The following ANKFN1 variants were observed in gnomAD, a reference collection of about 807,000 sequenced individuals.
ANKFN1 encodes ankyrin repeat and fibronectin type-III domain-containing protein 1.
Under a neutral mutation model 108.7 loss-of-function variants are expected in ANKFN1, and 74 were observed. The ratio of observed to expected loss-of-function variants is 0.68; its 90% confidence interval spans 0.56 to 0.83. The LOEUF (loss-of-function observed/expected upper bound fraction) is 0.83, where lower values mean the gene tolerates loss of function less well. Ranked by LOEUF, ANKFN1 falls within the 40% of genes least tolerant of loss-of-function variation. The probability of loss-of-function intolerance (pLI) is 0.00; values close to 1 mark genes in which losing one functional copy is unlikely to be tolerated. For synonymous variants in ANKFN1, 547 were observed against 516.2 expected (o/e 1.06, Z -0.81); for missense variants, 1,505 against 1,382.3 (o/e 1.09, Z -1.41).
chr17:56,192,260 T>A (rs1284263069), intron 1 of ANKFN1, among the ~76,000 whole-genome samples: 1 of 145,832 alleles, frequency 6.9e-6, no homozygotes, highest in East Asian at 2.0e-4. Context: ...TCAAGATGGA[T>A]TAAAGATTTA....
At chr17:56,410,967 CAA>C (rs1320945185) in intron 8 of ANKFN1, among the ~76,000 whole-genome samples, 1 of 152,110 alleles carries the variant, frequency 6.6e-6, no homozygotes. Flanking sequence ...TATTTTTGCT[CAA>C]GATTGCTTTG....
At chr17:56,292,762 A>T (rs2044399294) in intron 3 of ANKFN1, among the ~76,000 whole-genome samples, 1 of 152,138 alleles carries the variant, frequency 6.6e-6, no homozygotes, top group Non-Finnish European at 1.5e-5. Flanking sequence ...ACCTGGTGAA[A>T]ACTAGCATGC....
chr17:56,479,325 G>A (rs1293057563), intron 16 of ANKFN1, among the ~76,000 whole-genome samples: 2 of 152,046 alleles, frequency 1.3e-5, no homozygotes, highest in East Asian at 3.9e-4. Context: ...GATTACAAAC[G>A]CTATGTTAGC....
chr17:56,320,166 A>G (rs888817388), intron 3 of ANKFN1, among the ~76,000 whole-genome samples: 1 of 152,248 alleles, frequency 6.6e-6, no homozygotes, highest in African/African-American at 2.4e-5. Context: ...GATAAATGGC[A>G]GCATTTATTT....
chr17:56,209,686 A>G (rs1465044144), intron 1 of ANKFN1, among the ~76,000 whole-genome samples: 4 of 152,136 alleles, frequency 2.6e-5, no homozygotes, highest in African/African-American at 7.2e-5. Context: ...TATTATTTCA[A>G]TAGGCTTTTG....
intron 4 of ANKFN1, among the ~76,000 whole-genome samples, chr17:56,070,599 C>T (rs1426223904): frequency 1.3e-5 from 2 of 152,116 alleles, no homozygotes; most frequent in African/African-American, 4.8e-5. Context: ...CCACTGTACA[C>T]CCTCACTATA....
At chr17:56,294,480 G>A (rs750421558) in intron 3 of ANKFN1, among the ~76,000 whole-genome samples, 6 of 152,208 alleles carry the variant, frequency 3.9e-5, no homozygotes, top group Non-Finnish European at 5.9e-5. Flanking sequence ...CTAGTTCTCT[G>A]CTTCTCTCTC....
chr17:56,118,379 CAT>C (rs1051599112), intron 4 of ANKFN1, among the ~76,000 whole-genome samples: 82 of 152,274 alleles, frequency 5.4e-4, no homozygotes, highest in African/African-American at 1.7e-3. Context: ...TGTTTTTCCA[CAT>C]AGTCTTTTAA....
At chr17:56,421,910 A>G (rs371147123) in intron 8 of ANKFN1, among the ~76,000 whole-genome samples, 75 of 152,290 alleles carry the variant, frequency 4.9e-4, no homozygotes, top group African/African-American at 1.8e-3. Context: ...ACACGAGCTA[A>G]GGGGGGATAT....
Position 56,511,214 on chromosome 17 carries a change from G to A in ANKFN1, c.3386G>A (p.Ser1129Asn), listed in dbSNP as rs1200838206. The change falls in exon 21 of 21, where the codon AGT becomes AAT. Residue 1129 changes from serine (S) to asparagine (N), a missense_variant. Physicochemically the swap from Ser to Asn is conservative, Grantham distance 46. Coordinates refer to ENST00000682825, the MANE Select transcript of ANKFN1 (RefSeq NM_001370326.1). ...TLPSPTGPDV[S>N]QEGPTASPMS... is the part of the protein sequence containing the mutation. Reference sequence around the variant, plus strand: ...CCCAGCCCCACTGGCCCCGATGTGAGTCAGGAGGGCCCCACCGCCTCTCCC... The same window carrying A: ...CCCAGCCCCACTGGCCCCGATGTGAATCAGGAGGGCCCCACCGCCTCTCCC... 1 of 1,534,496 alleles carries A rather than the reference G, an allele frequency of 6.5e-7. No individual in the cohort carries two copies. The highest frequency in any genetic ancestry group is 2.0e-5 in the Admixed American group (1 of 50,950).
intron 17 of ANKFN1, 93 bp downstream of exon 17, chr17:56,480,911 GTGTGTGTGTGTA>G (rs1375097291): frequency 3.0e-5 from 40 of 1,336,242 alleles, no homozygotes; most frequent in Middle Eastern, 2.2e-4. Flanking sequence ...GTGTGTGTGT[GTGTGTGTGTGTA>G]AATTTTCCTT....
intron 3 of ANKFN1, among the ~76,000 whole-genome samples, chr17:56,279,573 T>C (rs575847432): frequency 6.6e-6 from 1 of 151,832 alleles, no homozygotes; most frequent in South Asian, 2.1e-4. Context: ...CCTGTGTTTT[T>C]TCTTCCAATC....
At chr17:56,264,705 G>A (rs1468239218) in intron 3 of ANKFN1, among the ~76,000 whole-genome samples, 1 of 152,128 alleles carries the variant, frequency 6.6e-6, no homozygotes, top group Non-Finnish European at 1.5e-5. Flanking sequence ...TCTAACCTTA[G>A]CTCTGCCACT....
intron 4 of ANKFN1, among the ~76,000 whole-genome samples, chr17:56,349,547 T>C (rs529467118): frequency 6.6e-6 from 1 of 152,228 alleles, no homozygotes; most frequent in East Asian, 1.9e-4. Context: ...TGCTCTAGTA[T>C]ATTAAATATA....
intron 6 of ANKFN1, among the ~76,000 whole-genome samples, chr17:56,361,458 T>A (rs894947405): frequency 1.3e-5 from 2 of 152,114 alleles, no homozygotes; most frequent in Admixed American, 1.3e-4. Flanking sequence ...AAAATTAAAT[T>A]TCTGGAGTCA....
intron 8 of ANKFN1, among the ~76,000 whole-genome samples, chr17:56,429,649 C>A (rs2048689197): frequency 6.6e-6 from 1 of 152,118 alleles, no homozygotes; most frequent in South Asian, 2.1e-4. Flanking sequence ...AGATTTTATT[C>A]CAGGTGCATT....
intron 18 of ANKFN1, among the ~76,000 whole-genome samples, chr17:56,490,797 A>G (rs1313255876): frequency 6.6e-6 from 1 of 152,092 alleles, no homozygotes; most frequent in East Asian, 1.9e-4. Flanking sequence ...TCCTGAGTTG[A>G]GAAAAACCTC....
chr17:56,308,734 G>A (rs992513439), intron 3 of ANKFN1, among the ~76,000 whole-genome samples: 2 of 152,082 alleles, frequency 1.3e-5, no homozygotes, highest in African/African-American at 4.8e-5. Context: ...AGCTGAGGAT[G>A]TTCGTTCTGT....
At chr17:56,243,681 TA>T (rs1917748899) in intron 3 of ANKFN1, among the ~76,000 whole-genome samples, 1 of 152,122 alleles carries the variant, frequency 6.6e-6, no homozygotes, top group African/African-American at 2.4e-5. Context: ...CCCAGGTGGC[TA>T]AGGGCTTCAC....
Sources: allele counts gnomAD v4.1 joint callset (sites outside exome capture counted in the v4.1 genomes callset), GRCh38; gene constraint gnomAD v4.1.1; transcripts MANE v1.5; gene names NCBI Gene and HGNC (gene_info 2026-07-23, HGNC 2026-07-21).